The following CYTH3 variants were observed in gnomAD, a reference collection of about 807,000 sequenced individuals.
CYTH3 encodes the protein cytohesin-3.
CYTH3 carries 23 observed loss-of-function variants against 55.1 expected under a neutral mutation model. The observed-to-expected ratio is 0.42, with a 90% CI of 0.30 to 0.59. The LOEUF (loss-of-function observed/expected upper bound fraction) is 0.59, where lower values mean the gene tolerates loss of function less well. Ranked by LOEUF, CYTH3 falls within the 20% of genes least tolerant of loss-of-function variation. The pLI, the probability that CYTH3 is intolerant of heterozygous loss-of-function variation, is 0.20. For missense variants in CYTH3, 413 were observed against 524.8 expected (o/e 0.79, Z 2.08); for synonymous variants, 249 against 194.9 (o/e 1.28, Z -2.31).
intron 5 of CYTH3, 83 bp from the exon 6 acceptor site, chr7:6,173,816 T>G: frequency 1.2e-6 from 1 of 837,566 alleles, no homozygotes; most frequent in South Asian, 1.4e-5. Flanking sequence ...ATAATGTGGC[T>G]ATGAACGTTC....
chr7:6,205,523 G>A (rs186402375), intron 1 of CYTH3, among the ~76,000 whole-genome samples: 427 of 149,756 alleles, frequency 2.9e-3, no homozygotes, highest in African/African-American at 9.8e-3. Flanking sequence ...GCACTGAGCC[G>A]AGATCTCACT....
At chr7:6,220,560 G>A (rs1347634392) in intron 1 of CYTH3, among the ~76,000 whole-genome samples, 7 of 118,088 alleles carry the variant, frequency 5.9e-5, no homozygotes, top group East Asian at 4.9e-4. Context: ...AGAAAGTCTC[G>A]AAACATCCTG....
chr7:6,184,544 A>G (rs984331296), intron 4 of CYTH3, among the ~76,000 whole-genome samples: 18 of 152,166 alleles, frequency 1.2e-4, no homozygotes, highest in Admixed American at 2.6e-4. Context: ...ACGCTCATGA[A>G]GCTGAAACCT....
chr7:6,163,172 T>TA lies in CYTH3; in HGVS notation c.*1771dup, dbSNP rs1231957568. The TA allele has an allele frequency of 6.6e-6, 1 of 152,574 alleles. No homozygotes were observed. The highest frequency in any genetic ancestry group is 6.5e-5 in the Admixed American group (1 of 15,286). The allele number at this position is 152,574 out of a possible 1,614,324, so 9.5% of individuals were successfully genotyped here. On this transcript the variant is annotated 3_prime_UTR_variant, in exon 13 of 13. Coordinates refer to ENST00000350796, the MANE Select transcript of CYTH3 (RefSeq NM_004227.4). ...GACCCCTCTGCAGTCTAGTGTGACT[T>TA]AAAGCTACATCAAGGTCAGCCGCAG...
At chr7:6,174,826 C>T (rs567452597) in intron 5 of CYTH3, among the ~76,000 whole-genome samples, 28 of 152,298 alleles carry the variant, frequency 1.8e-4, no homozygotes, top group African/African-American at 5.8e-4. Context: ...GGATTACAGG[C>T]CTGAGCCGCC....
At chr7:6,268,500 C>A (rs1172275938) in intron 1 of CYTH3, among the ~76,000 whole-genome samples, 2 of 152,174 alleles carry the variant, frequency 1.3e-5, no homozygotes, top group Admixed American at 6.5e-5. Flanking sequence ...TTTTGGAGAT[C>A]TCTCCATGTC....
At chr7:6,265,437 C>T (rs1780463773) in intron 1 of CYTH3, among the ~76,000 whole-genome samples, 1 of 151,502 alleles carries the variant, frequency 6.6e-6, no homozygotes, top group African/African-American at 2.4e-5. Context: ...ATGGTGAAAC[C>T]CGTATCTATT....
intron 1 of CYTH3, among the ~76,000 whole-genome samples, chr7:6,259,783 TAATATA>T (rs1562417663): frequency 5.3e-5 from 1 of 18,856 alleles, no homozygotes; most frequent in African/African-American, 8.8e-4. Context: ...TATATATATA[TAATATA>T]TATATATATA....
chr7:6,250,948 C>G (rs1779946786), intron 1 of CYTH3, among the ~76,000 whole-genome samples: 1 of 152,218 alleles, frequency 6.6e-6, no homozygotes, highest in Non-Finnish European at 1.5e-5. Context: ...AGCACAGGGT[C>G]TCTGCTACAA....
At chr7:6,179,871 C>G (rs1783458491) in intron 4 of CYTH3, among the ~76,000 whole-genome samples, 1 of 84,776 alleles carries the variant, frequency 1.2e-5, no homozygotes, top group African/African-American at 7.9e-5. Flanking sequence ...CACACACCCA[C>G]ACACACCACA....
At chr7:6,185,258 C>G (rs146205699) in intron 4 of CYTH3, among the ~76,000 whole-genome samples, 1 of 152,204 alleles carries the variant, frequency 6.6e-6, no homozygotes, top group Admixed American at 6.5e-5. Context: ...AACAAAAACC[C>G]TCCTCTGGGT....
chr7:6,221,933 C>CA (rs1784562780), intron 1 of CYTH3, among the ~76,000 whole-genome samples: 1 of 152,100 alleles, frequency 6.6e-6, no homozygotes, highest in African/African-American at 2.4e-5. Context: ...GCATGGGTAA[C>CA]AGAGCAAGAC....
rs145780088 is a variant in CYTH3, at chr7:6,219,176, C to G, written c.35-28645G>C. Among the ~76,000 whole-genome samples, 361 of 152,204 alleles carry G rather than the reference C, an allele frequency of 2.4e-3. 1 individual carries two copies. The highest frequency in any genetic ancestry group is 8.3e-3 in the African/African-American group (346 of 41,526). On this transcript the variant is annotated intron_variant, in intron 1 of 12. Transcript: ENST00000350796. ...TAGGACTCAAAGAAATGAGCCACCT[C>G]TTTTTGGAAACTATTATATACTAGC...
chr7:6,261,403 C>A (rs975400744), intron 1 of CYTH3, among the ~76,000 whole-genome samples: 1 of 152,138 alleles, frequency 6.6e-6, no homozygotes, highest in African/African-American at 2.4e-5. Context: ...CCAGAATAGA[C>A]CATGCCTCAT....
intron 1 of CYTH3, among the ~76,000 whole-genome samples, chr7:6,227,446 C>T (rs534231524): frequency 6.6e-6 from 1 of 152,094 alleles, no homozygotes. Flanking sequence ...ATTCAACAGC[C>T]CTTCCTGATT....
rs60634853 is a variant in CYTH3 at position 6,184,049 on chromosome 7, C to CTTTTTTTTTTTTTTTTTTTT, written c.249+2981_249+3000dup. ...CATTGTTTACGCACCCCCTCTGTGG[C>CTTTTTTTTTTTTTTTTTTTT]TTTTTTTTTTTTTTTTTTTTTTTTT... On this transcript the variant is annotated intron_variant, in intron 4 of 12. Coordinates refer to ENST00000350796, the MANE Select transcript of CYTH3 (RefSeq NM_004227.4). 4.3e-5 allele frequency among the ~76,000 whole-genome samples: 2 copies of CTTTTTTTTTTTTTTTTTTTT among 46,376 alleles called. 1 individual carries two copies. 30.4% of individuals were successfully genotyped at this position (46,376 alleles called of 152,430 possible). A position where few individuals can be genotyped will look rare whatever the true frequency, so the allele number is the denominator to read the frequency against.
At chr7:6,262,143 G>C (rs1780367651) in intron 1 of CYTH3, among the ~76,000 whole-genome samples, 1 of 152,150 alleles carries the variant, frequency 6.6e-6, no homozygotes, top group Non-Finnish European at 1.5e-5. Flanking sequence ...GATACAGAGT[G>C]AACGATGGAG....
At chr7:6,213,108 G>A (rs997079691) in intron 1 of CYTH3, among the ~76,000 whole-genome samples, 3 of 152,176 alleles carry the variant, frequency 2.0e-5, no homozygotes, top group African/African-American at 7.2e-5. Context: ...CAAGGACAGG[G>A]TTCTTCCTTG....
rs185002858 is a variant in CYTH3 at position 6,171,056 on chromosome 7, G to A, written c.563-78C>T. On this transcript the variant is annotated intron_variant, in intron 7 of 12. Coordinates refer to ENST00000350796, the MANE Select transcript of CYTH3 (RefSeq NM_004227.4). The surrounding 1 kb of genome is among the most constrained non-coding windows in gnomAD (Gnocchi z 6.7). ...GACCCCGCGTGCTGGGGGCCCGCCT[G>A]CAAGAGGTGCCCGGCCCACAGGTCG... 2 of 1,595,788 alleles carry A rather than the reference G, an allele frequency of 1.3e-6. No individual in the cohort carries two copies. The highest frequency in any genetic ancestry group is 1.7e-5 in the Admixed American group (1 of 58,986).
Sources: gnomAD v4.1 joint callset for allele counts (sites outside exome capture counted in the v4.1 genomes callset) on GRCh38, gnomAD v4.1.1 for gene constraint, Gnocchi (gnomAD v3.1) non-coding constraint, MANE v1.5 for transcripts, NCBI Gene and HGNC (gene_info 2026-07-23, HGNC 2026-07-21) for gene names.